Variants in KYNU observed in about 807,000 individuals in gnomAD.
KYNU encodes the protein kynureninase.
KYNU carries 54 observed loss-of-function variants against 59.2 expected under a neutral mutation model. The ratio of observed to expected loss-of-function variants is 0.91; its 90% CI spans 0.73 to 1.14. The LOEUF is 1.14. KYNU is among the 50% of genes most tolerant of loss of function. KYNU has a pLI of 0.00. For synonymous variants in KYNU, 177 were observed against 192.0 expected (o/e 0.92, Z 0.65); for missense variants, 567 against 554.4 (o/e 1.02, Z -0.23).
At chr2:142,955,272 A>G (rs1337524470) in intron 5 of KYNU, among the ~76,000 whole-genome samples, 1 of 152,080 alleles carries the variant, frequency 6.6e-6, no homozygotes, top group Non-Finnish European at 1.5e-5. Flanking sequence ...TATAGGTTAA[A>G]AAAGACTTGG....
chr2:142,966,288 T>A (rs899049444), intron 8 of KYNU, among the ~76,000 whole-genome samples: 21 of 152,182 alleles, frequency 1.4e-4, no homozygotes, highest in African/African-American at 5.1e-4. Context: ...GAATTAACTT[T>A]CTCTCCATCC....
intron 4 of KYNU, among the ~76,000 whole-genome samples, chr2:142,939,339 C>T (rs1164173240): frequency 1.3e-5 from 2 of 152,076 alleles, no homozygotes; most frequent in African/African-American, 4.8e-5. Flanking sequence ...AGTGGTGGCT[C>T]ATGCCTGTAA....
intron 10 of KYNU, among the ~76,000 whole-genome samples, chr2:142,988,462 T>C (rs1685289360): frequency 6.6e-6 from 1 of 151,976 alleles, no homozygotes; most frequent in Non-Finnish European, 1.5e-5. Context: ...ATATAATCTC[T>C]CTTATATGCT....
At chr2:142,974,067 T>G (rs1684818915) in intron 8 of KYNU, among the ~76,000 whole-genome samples, 1 of 152,172 alleles carries the variant, frequency 6.6e-6, no homozygotes, top group Non-Finnish European at 1.5e-5. Context: ...ATTCAGATAG[T>G]TCAGAGCATT....
chr2:142,919,702 G>A (rs539523027), intron 3 of KYNU, among the ~76,000 whole-genome samples: 32 of 152,260 alleles, frequency 2.1e-4, no homozygotes, highest in African/African-American at 7.5e-4. Flanking sequence ...GGGAGGCAGA[G>A]GTGGGCAGAT....
intron 4 of KYNU, among the ~76,000 whole-genome samples, chr2:142,948,778 C>A (rs1683884897): frequency 6.6e-6 from 1 of 152,144 alleles, no homozygotes; most frequent in Non-Finnish European, 1.5e-5. Context: ...TGGCCCCTCC[C>A]AAATCTCATG....
At chr2:142,931,206 C>T (rs1479047173) in intron 4 of KYNU, among the ~76,000 whole-genome samples, 3 of 152,202 alleles carry the variant, frequency 2.0e-5, no homozygotes, top group African/African-American at 7.2e-5. Context: ...AGTTATTCAT[C>T]TCCTTAAGCT....
intron 4 of KYNU, among the ~76,000 whole-genome samples, chr2:142,933,391 T>G (rs1683289508): frequency 6.6e-6 from 1 of 152,154 alleles, no homozygotes; most frequent in Non-Finnish European, 1.5e-5. Flanking sequence ...CTGTGCAGAT[T>G]TTTAAGGCTC....
At chr2:142,924,834 C>T (rs937702089) in intron 3 of KYNU, among the ~76,000 whole-genome samples, 3 of 152,164 alleles carry the variant, frequency 2.0e-5, no homozygotes, top group African/African-American at 7.2e-5. Context: ...TATAACGGCA[C>T]TTTAATCTAC....
At chr2:142,902,848 C>T (rs527732440) in intron 2 of KYNU, among the ~76,000 whole-genome samples, 1 of 152,310 alleles carries the variant, frequency 6.6e-6, no homozygotes, top group Middle Eastern at 3.4e-3. Flanking sequence ...TATCTCTTAA[C>T]CCTTGGGGTA....
chr2:142,956,676 TTCATAGCATGC>T (rs1487545433), intron 6 of KYNU, among the ~76,000 whole-genome samples: 2 of 152,206 alleles, frequency 1.3e-5, no homozygotes, highest in Non-Finnish European at 2.9e-5. Context: ...CCAGTGTGTT[TTCATAGCATGC>T]TAGCATAAAT....
Position 143,052,368 on chromosome 2 carries a change from G to A in KYNU, c.*10196G>A, listed in dbSNP as rs1351114876. On this transcript the variant is annotated 3_prime_UTR_variant, in exon 14 of 14. Transcript: ENST00000264170. ...AAGCTGGCTGCAGACATTTACATAA[G>A]TAACAAGAAGCTGAATGTTAATCAC... The A allele has an allele frequency of 2.0e-5, 3 of 152,196 alleles. No homozygotes were observed. The highest frequency in any genetic ancestry group is 7.2e-5 in the African/African-American group (3 of 41,440). 9.4% of individuals were successfully genotyped at this position (152,196 alleles called of 1,614,324 possible).
intron 1 of KYNU, among the ~76,000 whole-genome samples, chr2:142,880,272 G>C (rs896628192): frequency 6.6e-6 from 1 of 152,208 alleles, no homozygotes; most frequent in East Asian, 1.9e-4. Context: ...TAATCTGATA[G>C]TAAGGCAGAA....
At chr2:142,983,509 A>G (rs1364080890) in intron 8 of KYNU, among the ~76,000 whole-genome samples, 1 of 152,062 alleles carries the variant, frequency 6.6e-6, no homozygotes, top group Non-Finnish European at 1.5e-5. Context: ...AGAATTTATA[A>G]CAGTGTATAT....
At chr2:143,004,910 G>A (rs1217199869) in intron 10 of KYNU, among the ~76,000 whole-genome samples, 1 of 152,146 alleles carries the variant, frequency 6.6e-6, no homozygotes, top group Non-Finnish European at 1.5e-5. Flanking sequence ...GGGGTCACTA[G>A]TATTATTTTC....
chr2:142,962,883 G>A (rs1477771635), intron 8 of KYNU, among the ~76,000 whole-genome samples: 1 of 152,116 alleles, frequency 6.6e-6, no homozygotes, highest in Admixed American at 6.6e-5. Context: ...TGGTGGTCTG[G>A]TCATCTGTGA....
chr2:143,019,565 G>C (rs1686350884), intron 10 of KYNU, among the ~76,000 whole-genome samples: 1 of 152,020 alleles, frequency 6.6e-6, no homozygotes. Context: ...CTAGTATTTT[G>C]TTAAGGATTT....
chr2:142,932,847 AG>A (rs907863501), intron 4 of KYNU, among the ~76,000 whole-genome samples: 3 of 152,162 alleles, frequency 2.0e-5, no homozygotes, highest in African/African-American at 7.2e-5. Context: ...CAAGTAAAGA[AG>A]GGGTTCATCT....
At chr2:142,944,699 G>C (rs1000424160) in intron 4 of KYNU, among the ~76,000 whole-genome samples, 12 of 152,132 alleles carry the variant, frequency 7.9e-5, no homozygotes, top group African/African-American at 2.7e-4. Flanking sequence ...TTAGTGAAAT[G>C]ATGATATTGA....
Sources: allele counts gnomAD v4.1 joint callset (sites outside exome capture counted in the v4.1 genomes callset), GRCh38; gene constraint gnomAD v4.1.1; transcripts MANE v1.5; gene names NCBI Gene and HGNC (gene_info 2026-07-23, HGNC 2026-07-21).